Variants in ALK observed in about 807,000 individuals in gnomAD.
ALK encodes the protein ALK receptor tyrosine kinase, also known as ALK tyrosine kinase receptor.
A neutral mutation model predicts 163.1 loss-of-function variants in ALK; 74 were observed. The observed-to-expected ratio is 0.45, with a 90% CI of 0.38 to 0.55. The LOEUF (loss-of-function observed/expected upper bound fraction) is 0.55, where lower values mean the gene tolerates loss of function less well. Among genes scored for constraint, ALK ranks in the 20% least tolerant of loss-of-function variants. The pLI is 0.00. For synonymous variants in ALK, 960 were observed against 843.2 expected, an observed-to-expected ratio of 1.14 and a Z score of -2.40; for missense variants, 2,063 against 2,105.3, an observed-to-expected ratio of 0.98 and a Z score of 0.39.
intron 11 of ALK, among the ~76,000 whole-genome samples, chr2:29,267,481 T>C (rs925076255): frequency 6.6e-6 from 1 of 152,206 alleles, no homozygotes; most frequent in Non-Finnish European, 1.5e-5. Flanking sequence ...GCTGCACAGC[T>C]GGTACACACT....
intron 26 of ALK, among the ~76,000 whole-genome samples, chr2:29,200,740 C>CATATATATATACGTATATAT (rs1669140119): frequency 7.6e-6 from 1 of 131,338 alleles, no homozygotes; most frequent in African/African-American, 2.9e-5. Flanking sequence ...TATATATATA[C>CATATATATATACGTATATAT]GTATATATAT....
At chr2:29,763,858 T>C (rs1680783894) in intron 1 of ALK, among the ~76,000 whole-genome samples, 1 of 152,000 alleles carries the variant, frequency 6.6e-6, no homozygotes, top group Non-Finnish European at 1.5e-5. Flanking sequence ...TAGAGGGAAA[T>C]GCAGAGGGGA....
intron 1 of ALK, among the ~76,000 whole-genome samples, chr2:29,798,058 G>T (rs1443645165): frequency 6.6e-6 from 1 of 152,116 alleles, no homozygotes; most frequent in Non-Finnish European, 1.5e-5. Flanking sequence ...GCACTATTTG[G>T]TGTTGCCATC....
chr2:29,796,280 C>A (rs554691871), intron 1 of ALK, among the ~76,000 whole-genome samples: 3 of 152,200 alleles, frequency 2.0e-5, no homozygotes, highest in Admixed American at 6.5e-5. Flanking sequence ...TGGTGAGTGA[C>A]GATCAGCAAA....
chr2:29,415,464 C>T (rs1558314386), intron 4 of ALK, among the ~76,000 whole-genome samples: 2 of 152,104 alleles, frequency 1.3e-5, no homozygotes, highest in East Asian at 3.9e-4. Flanking sequence ...GTATGCTCTC[C>T]TTAAGAACTC....
Position 29,909,466 on chromosome 2 carries a change from G to A in ALK, c.667+10527C>T, listed in dbSNP as rs184756001. Among the ~76,000 whole-genome samples, 569 of 142,220 alleles carry A rather than the reference G, an allele frequency of 4.0e-3. 1 individual carries two copies. The highest frequency in any genetic ancestry group is 0.013 in the African/African-American group (492 of 36,816). The allele number at this position is 142,220 out of a possible 152,430, so 93.3% of individuals were successfully genotyped here. A position where few individuals can be genotyped will look rare whatever the true frequency, so the allele number is the denominator to read the frequency against. On this transcript the variant is annotated intron_variant, in intron 1 of 28. Coordinates refer to ENST00000389048, the MANE Select transcript of ALK (RefSeq NM_004304.5). ...AACTAGACACACATACACACACAGA[G>A]AGAGACAGACAGACAGAGAGAGAGA...
intron 4 of ALK, among the ~76,000 whole-genome samples, chr2:29,455,731 G>T (rs1670935272): frequency 6.6e-6 from 1 of 152,176 alleles, no homozygotes; most frequent in African/African-American, 2.4e-5. Flanking sequence ...AGAGAAATGG[G>T]AATTCAAAAG....
intron 8 of ALK, among the ~76,000 whole-genome samples, chr2:29,301,974 A>G (rs905072258): frequency 6.6e-6 from 1 of 152,220 alleles, no homozygotes; most frequent in African/African-American, 2.4e-5. Context: ...TCTTTGCTGC[A>G]TACTCTGTTC....
In ALK at chr2:29,623,481, A is replaced by ATAGCTAACACATACATGG. The variant is rs6146697; in HGVS notation, c.952+71368_952+71369insCCATGTATGTGTTAGCTA. Reference sequence around the variant, plus strand: ...GATAATGATTATGTGAAATAAAATGATAGCTCACTTTAATACTTTACATGA... The same window carrying ATAGCTAACACATACATGG: ...GATAATGATTATGTGAAATAAAATGATAGCTAACACATACATGGTAGCTCACTTTAATACTTTACATGA... On this transcript the variant is annotated intron_variant, in intron 3 of 28. Transcript: ENST00000389048. 7.3e-5 allele frequency among the ~76,000 whole-genome samples: 11 copies of ATAGCTAACACATACATGG among 151,664 alleles called. No homozygotes were observed. In the South Asian group the frequency reaches 1.7e-3, roughly 23 times the overall value.
chr2:29,254,751 T>C (rs1664909907), intron 11 of ALK, among the ~76,000 whole-genome samples: 1 of 152,224 alleles, frequency 6.6e-6, no homozygotes, highest in Non-Finnish European at 1.5e-5. Context: ...GCACAATGAC[T>C]ACAGTTTAAA....
intron 3 of ALK, among the ~76,000 whole-genome samples, chr2:29,645,751 C>T (rs10164430): frequency 0.11 from 16,045 of 152,062 alleles, 1,574 homozygotes; most frequent in African/African-American, 0.26. Flanking sequence ...AGACAGCATT[C>T]ACCCACAGCT....
intron 11 of ALK, among the ~76,000 whole-genome samples, chr2:29,262,498 G>A (rs1344354972): frequency 6.6e-6 from 1 of 152,178 alleles, no homozygotes; most frequent in Non-Finnish European, 1.5e-5. Context: ...GAGAAGTTAG[G>A]GGTGGTAACA....
intron 7 of ALK, chr2:29,319,311 T>C (rs912467905): frequency 1.3e-5 from 2 of 152,236 alleles, no homozygotes; most frequent in Non-Finnish European, 2.9e-5. Flanking sequence ...TATACTTTAG[T>C]CTTTCCTTTC....
At chr2:29,570,583 C>T (rs1674330034) in intron 3 of ALK, among the ~76,000 whole-genome samples, 1 of 152,230 alleles carries the variant, frequency 6.6e-6, no homozygotes, top group South Asian at 2.1e-4. Flanking sequence ...TCTGCAGGAG[C>T]AGGCTCTGAG....
At chr2:29,771,746 G>C (rs1313798032) in intron 1 of ALK, among the ~76,000 whole-genome samples, 1 of 152,102 alleles carries the variant, frequency 6.6e-6, no homozygotes, top group Non-Finnish European at 1.5e-5. Context: ...GTGTTAGCCA[G>C]GATGGTCTCG....
intron 1 of ALK, among the ~76,000 whole-genome samples, chr2:29,814,660 CA>C (rs70962240): frequency 0.15 from 21,975 of 149,266 alleles, 1,741 homozygotes; most frequent in South Asian, 0.2. Context: ...ACTCCCTCTC[CA>C]AAAAAAGAAA....
chr2:29,453,646 T>C (rs1670878961), intron 4 of ALK, among the ~76,000 whole-genome samples: 1 of 152,116 alleles, frequency 6.6e-6, no homozygotes, highest in Admixed American at 6.5e-5. Context: ...TAAATATTTA[T>C]TTGTGAATGA....
intron 3 of ALK, among the ~76,000 whole-genome samples, chr2:29,544,930 A>G (rs1673514841): frequency 6.6e-6 from 1 of 152,220 alleles, no homozygotes; most frequent in Admixed American, 6.5e-5. Flanking sequence ...AAGGTCACAC[A>G]GCATATTGGT....
chr2:29,545,445 C>T (rs901561070), intron 3 of ALK, among the ~76,000 whole-genome samples: 3 of 152,168 alleles, frequency 2.0e-5, no homozygotes, highest in Admixed American at 6.5e-5. Flanking sequence ...GAGGTGGGAC[C>T]GTGCTCATTG....
Sources: gnomAD v4.1 joint callset for allele counts (sites outside exome capture counted in the v4.1 genomes callset) on GRCh38, gnomAD v4.1.1 for gene constraint, MANE v1.5 for transcripts, NCBI Gene and HGNC (gene_info 2026-07-23, HGNC 2026-07-21) for gene names.